The following AHSG variants were observed in gnomAD, a reference collection of about 807,000 sequenced individuals.
The protein encoded by AHSG is alpha 2-HS glycoprotein.
A neutral mutation model predicts 30.1 loss-of-function variants in AHSG; 23 were observed. The ratio of observed to expected loss-of-function variants is 0.76; its 90% confidence interval spans 0.55 to 1.08. The LOEUF (loss-of-function observed/expected upper bound fraction) is 1.08. Ranked by LOEUF, AHSG falls within the 50% of genes least tolerant of loss-of-function variation. The probability of loss-of-function intolerance (pLI) is 0.00; values close to 1 mark genes in which losing one functional copy is unlikely to be tolerated. For missense variants in AHSG, 469 were observed against 459.5 expected (o/e 1.02, Z -0.19); for synonymous variants, 164 against 186.3 (o/e 0.88, Z 0.98).
intron 5 of AHSG, among the ~76,000 whole-genome samples, chr3:186,619,338 G>A (rs1236933726): frequency 2.6e-5 from 4 of 152,036 alleles, no homozygotes; most frequent in South Asian, 4.1e-4. Flanking sequence ...AGTGACATTT[G>A]ACAGAATATA....
At chr3:186,617,642 G>C (rs560488973) in intron 4 of AHSG, 1 of 492,482 alleles carries the variant, frequency 2.0e-6, no homozygotes, top group Non-Finnish European at 3.6e-6. Context: ...TAAAACCAAA[G>C]CTCAGTGTCA....
chr3:186,615,694 G>C lies in AHSG; in HGVS notation c.223G>C (p.Gly75Arg). ...CTCTTTGTCTCCACAGCAGCCCTCC[G>C]GAGAGCTGTTTGAGATTGAAATAGA... ...EVKVWPQQPS[G>R]ELFEIEIDTL... The change falls in exon 2 of 7, where the codon GGA (glycine) becomes CGA (arginine). Residue 75 changes from glycine (G) to arginine (R), a missense_variant. Gly to Arg is a moderately radical substitution (Grantham distance 125). Transcript: ENST00000411641. 2 of 1,614,096 alleles carry C rather than the reference G, an allele frequency of 1.2e-6. No individual in the cohort carries two copies. The highest frequency in any genetic ancestry group is 2.2e-5 in the South Asian group (2 of 91,076).
chr3:186,618,705 G>A (rs1223916861), intron 5 of AHSG, 68 bp downstream of exon 5: 19 of 1,574,682 alleles, frequency 1.2e-5, no homozygotes, highest in Non-Finnish European at 1.6e-5. Flanking sequence ...AACATCCTTG[G>A]ATAGTTTGTA....
chr3:186,616,425 G>A lies in AHSG; in HGVS notation c.325-18G>A, dbSNP rs757682407. On this transcript the variant is annotated intron_variant, in intron 2 of 6. Coordinates refer to ENST00000411641, the MANE Select transcript of AHSG (RefSeq NM_001622.4). Reference sequence around the variant, plus strand: ...GAAGGGGAAGGGCAGCCATCCTCACGTGGGTTTCTTTCTCCAGGCTGTCGA... The same window carrying A: ...GAAGGGGAAGGGCAGCCATCCTCACATGGGTTTCTTTCTCCAGGCTGTCGA... The A allele has an allele frequency of 8.1e-6, 13 of 1,609,764 alleles. No individual in the cohort carries two copies. The highest frequency in any genetic ancestry group is 5.5e-5 in the South Asian group (5 of 90,184).
intron 6 of AHSG, 33 bp downstream of exon 6, chr3:186,619,973 T>C (rs1716428890): frequency 6.5e-7 from 1 of 1,534,508 alleles, no homozygotes; most frequent in African/African-American, 1.4e-5. Context: ...TGCCTACACC[T>C]TCAGAATACA....
chr3:186,617,152 G>A (rs200565267), intron 3 of AHSG, 35 bp from the exon 4 acceptor site: 274 of 1,584,940 alleles, frequency 1.7e-4, no homozygotes, highest in Non-Finnish European at 2.2e-4. Context: ...CAGGGAGAAT[G>A]GCTGCCCACA....
intron 5 of AHSG, among the ~76,000 whole-genome samples, chr3:186,619,528 A>G (rs557868758): frequency 1.3e-5 from 2 of 152,312 alleles, no homozygotes; most frequent in African/African-American, 4.8e-5. Context: ...TGGCAAGTGA[A>G]AACACACAGG....
rs766031984 is a variant in AHSG, at chr3:186,618,646, G to T, written c.675+9G>T. The T allele has an allele frequency of 6.2e-7, 1 of 1,613,516 alleles. No homozygotes were observed. The highest frequency in any genetic ancestry group is 1.3e-5 in the African/African-American group (1 of 74,930). ...ACCTGCTGGCAGAAAAGGTGAGTGG[G>T]CCGGGACCTTGGGGTGTTACCACTC... On this transcript the variant is annotated intron_variant, in intron 5 of 6. Transcript: ENST00000411641.
intron 1 of AHSG, 95 bp from the exon 2 acceptor site, chr3:186,615,590 G>C: frequency 3.3e-6 from 3 of 910,660 alleles, no homozygotes; most frequent in Non-Finnish European, 5.5e-6. Flanking sequence ...CTCCAAAAGC[G>C]GGGTGCTCTC....
chr3:186,615,907 C>A, intron 2 of AHSG, 112 bp downstream of exon 2: 1 of 953,648 alleles, frequency 1.0e-6, no homozygotes, highest in South Asian at 1.4e-5. Context: ...CTAAAATTGC[C>A]ATTTGTGGCC....
chr3:186,617,507 G>T (rs1221853817), intron 4 of AHSG, 157 bp downstream of exon 4: 2 of 1,376,390 alleles, frequency 1.5e-6, no homozygotes, highest in Non-Finnish European at 2.0e-6. Flanking sequence ...GCATCCTAAG[G>T]GGGTATGAGG....
In AHSG at chr3:186,616,060, G is replaced by A. The variant is rs149999434; in HGVS notation, c.324+265G>A. The stretch of plus-strand genomic sequence containing the variant: ...AAAATACAAAAATTAGCTGGACGTG[G>A]TGACGGGCACCTGTAAATCCCAGCT... On this transcript the variant is annotated intron_variant, in intron 2 of 6. Coordinates refer to ENST00000411641, the MANE Select transcript of AHSG (RefSeq NM_001622.4). Among the ~76,000 whole-genome samples, 597 of 152,298 alleles carry A rather than the reference G, an allele frequency of 3.9e-3. 3 individuals carry two copies. The highest frequency in any genetic ancestry group is 0.014 in the African/African-American group (564 of 41,556).
rs2108501085 is a variant in AHSG, at chr3:186,616,539, T to C, written c.409+12T>C. ...TGATTCCAGTCCAGGTACAGATGACTATTCTTATTCTCATTTTTTCCTTGT... is the reference window on the plus strand; with the variant it reads ...TGATTCCAGTCCAGGTACAGATGACCATTCTTATTCTCATTTTTTCCTTGT... On this transcript the variant is annotated intron_variant, in intron 3 of 6. Coordinates refer to ENST00000411641, the MANE Select transcript of AHSG (RefSeq NM_001622.4). The C allele has an allele frequency of 1.9e-6, 3 of 1,590,032 alleles. No individual in the cohort carries two copies. The highest frequency in any genetic ancestry group is 2.6e-6 in the Non-Finnish European group (3 of 1,164,000).
intron 4 of AHSG, 118 bp downstream of exon 4, chr3:186,617,468 A>C: frequency 6.4e-7 from 1 of 1,559,108 alleles, no homozygotes. Context: ...TGAGAAAGCA[A>C]GGAGAGGGTT....
rs1158090968 is a variant in AHSG at position 186,620,898 on chromosome 3, T to C, written c.1072T>C (p.Cys358Arg). Residue 358 changes from cysteine to arginine, a missense_variant, in exon 7 of 7, where the codon TGT becomes CGT. Physicochemically the swap from Cys to Arg is radical, Grantham distance 180. Transcript: ENST00000411641. ...GAAAGPVVPPCPGRIRHFKV is the reference protein window; with the variant it reads ...GAAAGPVVPPRPGRIRHFKV ...TGCTGCTGGGCCAGTGGTTCCTCCATGTCCGGGGAGGATCAGACACTTCAA... is the reference window on the plus strand; with the variant it reads ...TGCTGCTGGGCCAGTGGTTCCTCCACGTCCGGGGAGGATCAGACACTTCAA... The C allele has an allele frequency of 6.2e-7, 1 of 1,613,770 alleles. No individual in the cohort carries two copies. The highest frequency in any genetic ancestry group is 2.2e-5 in the East Asian group (1 of 44,902).
intron 6 of AHSG, 120 bp from the exon 7 acceptor site, chr3:186,620,466 C>G: frequency 2.3e-6 from 2 of 886,922 alleles, no homozygotes; most frequent in Non-Finnish European, 3.5e-6. Flanking sequence ...TCTTGCTAGA[C>G]TCTTTGCAAA....
At chr3:186,619,320 A>C (rs1013831644) in intron 5 of AHSG, among the ~76,000 whole-genome samples, 1 of 152,128 alleles carries the variant, frequency 6.6e-6, no homozygotes, top group African/African-American at 2.4e-5. Context: ...AAAGAAAAAG[A>C]ATTCATCAGT....
Position 186,621,079 on chromosome 3 carries a change from C to G in AHSG, c.*149C>G. On this transcript the variant is annotated 3_prime_UTR_variant, in exon 7 of 7. Transcript: ENST00000411641. The stretch of plus-strand genomic sequence containing the variant: ...ATATCAAGTCTTGACTCCCTACTTC[C>G]CGTCATTCCTCACAGGACAGAAGCA... 1.3e-6 allele frequency: 1 copy of G among 742,552 alleles called. No homozygotes were observed. The highest frequency in any genetic ancestry group is 2.2e-6 in the Non-Finnish European group (1 of 461,922). 46.0% of individuals were successfully genotyped at this position (742,552 alleles called of 1,614,324 possible).
Position 186,619,891 on chromosome 3 carries a change from A to T in AHSG, c.710A>T (p.Lys237Met). 5 of 1,613,666 alleles carry T rather than the reference A, an allele frequency of 3.1e-6. No homozygotes were observed. The highest frequency in any genetic ancestry group is 4.2e-6 in the Non-Finnish European group (5 of 1,179,900). ...YGFCKATLSE[K>M]LGGAEVAVTC... ...TTTTGTAAGGCAACACTCAGTGAGAAGCTTGGTGGGGCAGAGGTTGCAGTG... is the reference window on the plus strand; with the variant it reads ...TTTTGTAAGGCAACACTCAGTGAGATGCTTGGTGGGGCAGAGGTTGCAGTG... The change falls in exon 6 of 7, where the codon AAG (lysine) becomes ATG (methionine). Residue 237 changes from lysine to methionine, a missense_variant. Lys to Met is a moderately conservative substitution (Grantham distance 95, BLOSUM62 -1). Transcript: ENST00000411641.
Sources: allele counts gnomAD v4.1 joint callset (sites outside exome capture counted in the v4.1 genomes callset), GRCh38; gene constraint gnomAD v4.1.1; transcripts MANE v1.5; gene names NCBI Gene and HGNC (gene_info 2026-07-23, HGNC 2026-07-21).